Variants in POSTN observed in about 807,000 individuals in gnomAD.
The protein encoded by POSTN is osteoblast specific factor 2 (fasciclin I-like).
In POSTN, 71 loss-of-function variants were observed where a neutral mutation model predicts 104.5. That is an observed-to-expected ratio of 0.68 (90% CI 0.56 to 0.83). The LOEUF is 0.83. Among genes scored for constraint, POSTN ranks in the 40% least tolerant of loss-of-function variants. The pLI is 0.00. For missense variants in POSTN, 949 were observed against 1,006.8 expected (o/e 0.94, Z 0.78); for synonymous variants, 355 against 340.7 (o/e 1.04, Z -0.46).
In POSTN at chr13:37,563,160, C is replaced by T; in HGVS notation, c.*173G>A. ...CACAGGAGGCTAACTCCACAATTTC[C>T]CTCATGTTTCTCATTCAGAAAAAAA... On this transcript the variant is annotated 3_prime_UTR_variant, in exon 23 of 23. Coordinates refer to ENST00000379747, the MANE Select transcript of POSTN (RefSeq NM_006475.3). 2 of 420,596 alleles carry T rather than the reference C, an allele frequency of 4.8e-6. No individual in the cohort carries two copies. Among genetic ancestry groups the T allele is most frequent in the Admixed American group, 4.0e-5 (1 of 25,166 alleles). The allele number at this position is 420,596 out of a possible 1,614,324, so 26.1% of individuals were successfully genotyped here.
Position 37,586,221 on chromosome 13 carries a change from G to C in POSTN, c.813C>G (p.Leu271=), listed in dbSNP as rs1240860039. 5 of 1,613,786 alleles carry C rather than the reference G, an allele frequency of 3.1e-6. No individual in the cohort carries two copies. The highest frequency in any genetic ancestry group is 1.1e-5 in the South Asian group (1 of 91,046). ...CAAAAGCCTCATTGGTGGGAGCAAA[G>C]AGTGTGAAGTGACCGTCTCTTCCAA... is the stretch of plus-strand genomic sequence containing the variant. ...EALGRDGHFT[L]FAPTNEAFEK... Residue 271 remains leucine (L), a synonymous_variant, in exon 7 of 23, where the codon CTC becomes CTG. Transcript: ENST00000379747.
At chr13:37,580,039 A>T in intron 11 of POSTN, 48 bp from the exon 12 acceptor site, 1 of 1,553,346 alleles carries the variant, frequency 6.4e-7, no homozygotes, top group Non-Finnish European at 8.9e-7. Flanking sequence ...AGATTTAGGT[A>T]TGTTCACCTA....
intron 3 of POSTN, among the ~76,000 whole-genome samples, chr13:37,591,617 G>A (rs2138372683): frequency 6.6e-6 from 1 of 152,238 alleles, no homozygotes; most frequent in East Asian, 1.9e-4. Context: ...GGTAGCTGGA[G>A]GAAAGGTGTG....
chr13:37,565,283 A>C (rs1950061414), intron 21 of POSTN: 1 of 151,846 alleles, frequency 6.6e-6, no homozygotes, highest in African/African-American at 2.4e-5. Flanking sequence ...TTTTTCTTTT[A>C]GTTTATTGAC....
chr13:37,572,014 C>T (rs542823895), intron 17 of POSTN, among the ~76,000 whole-genome samples: 2 of 151,560 alleles, frequency 1.3e-5, no homozygotes, highest in African/African-American at 4.8e-5. Flanking sequence ...AATTTGAGTA[C>T]TTACCTTCTG....
rs532164867 is a variant in POSTN, at chr13:37,582,796, C to A, written c.1244-282G>T. On this transcript the variant is annotated intron_variant, in intron 9 of 22. Transcript: ENST00000379747. ...GGGCTACATAGTTTTATAGTGGTCA[C>A]TGGCAAATGCTAAACCTTAATGGTG... 2.0e-5 allele frequency among the ~76,000 whole-genome samples: 3 copies of A among 152,316 alleles called. No homozygotes were observed. In the South Asian group the frequency reaches 6.2e-4, roughly 32 times the overall value.
Position 37,577,759 on chromosome 13 carries a change from C to T in POSTN, c.2002G>A (p.Val668Ile). 1.2e-6 allele frequency: 2 copies of T among 1,613,322 alleles called. No homozygotes were observed. The highest frequency in any genetic ancestry group is 1.7e-4 in the Middle Eastern group (1 of 6,054). ...ATATTTATTATATACTTACTATAGA[C>T]AGTCACGGGGATTTCTTTGAAGGTG... ...GSTFKEIPVTVYTTKIITKVV... is the reference protein window; with the variant it reads ...GSTFKEIPVTIYTTKIITKVV... The change falls in exon 16 of 23, where the codon GTC becomes ATC. Residue 668 changes from valine (V) to isoleucine (I), a missense_variant. Physicochemically the swap from Val to Ile is conservative, Grantham distance 29 (BLOSUM62 3). Transcript: ENST00000379747.
Position 37,586,160 on chromosome 13 carries a change from C to T in POSTN, c.874G>A (p.Gly292Arg). 1 of 1,612,594 alleles carries T rather than the reference C, an allele frequency of 6.2e-7. No homozygotes were observed. Among genetic ancestry groups the T allele is most frequent in the Non-Finnish European group, 8.5e-7 (1 of 1,179,056 alleles). ...CTACCTTCGGAAGCCACTTTGTCTC[C>T]CATGATCCTTTCTAGGACACCTCGT... ...LPRGVLERIM[G>R]DKVASEALMK... The change falls in exon 7 of 23, where the codon GGA (glycine) becomes AGA (arginine). Residue 292 changes from glycine (G) to arginine (R), a missense_variant. By Grantham distance (125) the Gly-to-Arg change is moderately radical (BLOSUM62 -2). Transcript: ENST00000379747.
intron 17 of POSTN, among the ~76,000 whole-genome samples, chr13:37,572,220 T>C (rs754885775): frequency 2.6e-5 from 4 of 151,686 alleles, no homozygotes; most frequent in Non-Finnish European, 5.9e-5. Flanking sequence ...TCAGTACATT[T>C]AACTCATACT....
rs534538627 is a variant in POSTN at position 37,592,125 on chromosome 13, C to T, written c.258G>A (p.Met86Ile). 591 of 1,607,692 alleles carry T rather than the reference C, an allele frequency of 3.7e-4. 7 individuals carry two copies. In the South Asian group the frequency reaches 6.2e-3, roughly 17 times the overall value. Residue 86 changes from methionine (M) to isoleucine (I), a missense_variant, in exon 3 of 23, where the codon ATG becomes ATA. Physicochemically the swap from Met to Ile is conservative, Grantham distance 10 (BLOSUM62 1). Coordinates refer to ENST00000379747, the MANE Select transcript of POSTN (RefSeq NM_006475.3). ...LYECCPGYMR[M>I]EGMKGCPAVL... ...CTGCTGGGCAGCCTTTCATTCCTTC[C>T]ATTCTCATATAACCAGGGCAACATT...
chr13:37,587,048 T>G (rs978153669), intron 5 of POSTN, 120 bp from the exon 6 acceptor site: 1 of 818,206 alleles, frequency 1.2e-6, no homozygotes, highest in Non-Finnish European at 1.9e-6. Context: ...GGAAACTACA[T>G]TGTAAATGTA....
intron 21 of POSTN, chr13:37,564,868 C>A (rs756589288): frequency 3.2e-5 from 7 of 216,428 alleles, no homozygotes; most frequent in Non-Finnish European, 5.4e-5. Context: ...ATGATTTTTT[C>A]AATCTTTTTG....
intron 21 of POSTN, among the ~76,000 whole-genome samples, chr13:37,567,064 G>A (rs1338387040): frequency 2.0e-5 from 3 of 148,156 alleles, no homozygotes; most frequent in Non-Finnish European, 4.5e-5. Flanking sequence ...GTGAAACCCC[G>A]TCTCTACTAA....
rs1465926344 is a variant in POSTN, at chr13:37,586,762, C to A, written c.753+20G>T. On this transcript the variant is annotated intron_variant, in intron 6 of 22. Coordinates refer to ENST00000379747, the MANE Select transcript of POSTN (RefSeq NM_006475.3). ...GAAGAGGGATTTCAATGACTCAAGA[C>A]AATCTGCTCTTGGACTTACTCTAAA... The A allele has an allele frequency of 1.9e-6, 3 of 1,599,080 alleles. No individual in the cohort carries two copies. Among genetic ancestry groups the A allele is most frequent in the South Asian group, 2.2e-5 (2 of 89,126 alleles).
chr13:37,567,191 C>A (rs1217733841), intron 21 of POSTN, among the ~76,000 whole-genome samples: 1 of 126,186 alleles, frequency 7.9e-6, no homozygotes. Flanking sequence ...AGCCGAGATC[C>A]CGCCACTGCA....
chr13:37,592,667 AT>A (rs1370655071), intron 2 of POSTN, among the ~76,000 whole-genome samples: 1 of 152,100 alleles, frequency 6.6e-6, no homozygotes, highest in Non-Finnish European at 1.5e-5. Flanking sequence ...AAGTTCCATA[AT>A]GTTGATCCAG....
At position 37,580,497 on chromosome 13, in the gene POSTN, G is replaced by A. The variant is rs1409517925; in HGVS notation, c.1529+64C>T. 1.3e-5 allele frequency: 21 copies of A among 1,575,428 alleles called. No homozygotes were observed. In the East Asian group the frequency reaches 3.4e-4, roughly 25 times the overall value. On this transcript the variant is annotated intron_variant, in intron 11 of 22. Transcript: ENST00000379747. ...GAGACTGAATGCCTTTTGGGATACC[G>A]CCTATGAAACAAAAATATGCCAATA...
At chr13:37,596,370 C>G (rs1342561634) in intron 2 of POSTN, among the ~76,000 whole-genome samples, 2 of 152,086 alleles carry the variant, frequency 1.3e-5, no homozygotes, top group East Asian at 3.9e-4. Flanking sequence ...TGGTCTCCCT[C>G]ATTGTAAAAT....
intron 21 of POSTN, among the ~76,000 whole-genome samples, chr13:37,565,684 A>G (rs1175889203): frequency 1.3e-5 from 2 of 152,150 alleles, no homozygotes; most frequent in African/African-American, 2.4e-5. Context: ...TTATAAAACC[A>G]CATTAATACT....
Sources: gnomAD v4.1 joint callset for allele counts (sites outside exome capture counted in the v4.1 genomes callset) on GRCh38, gnomAD v4.1.1 for gene constraint, MANE v1.5 for transcripts, NCBI Gene and HGNC (gene_info 2026-07-23, HGNC 2026-07-21) for gene names.